PRKCE: variants seen among roughly 807,000 people sequenced by gnomAD.
The protein encoded by PRKCE is protein kinase C epsilon.
A neutral mutation model predicts 85.4 loss-of-function variants in PRKCE; 16 were observed. The ratio of observed to expected loss-of-function variants is 0.19; its 90% CI spans 0.13 to 0.28. The LOEUF (loss-of-function observed/expected upper bound fraction) is 0.28. Ranked by LOEUF, PRKCE falls within the 10% of genes least tolerant of loss-of-function variation. PRKCE has a pLI of 1.00. For missense variants in PRKCE, 573 were observed against 975.2 expected (o/e 0.59, Z 5.49); for synonymous variants, 388 against 371.5 (o/e 1.04, Z -0.51).
intron 10 of PRKCE, among the ~76,000 whole-genome samples, chr2:46,055,381 G>A (rs773312162): frequency 2.0e-5 from 3 of 152,214 alleles, no homozygotes; most frequent in African/African-American, 4.8e-5. Context: ...TGCCAGCACC[G>A]AAGCGGCTGG....
At chr2:46,149,784 CGTGT>C (rs1395359057) in intron 12 of PRKCE, among the ~76,000 whole-genome samples, 1 of 148,492 alleles carries the variant, frequency 6.7e-6, no homozygotes, top group South Asian at 2.1e-4. Context: ...TTTATATGTG[CGTGT>C]GTGTGTATCA....
At chr2:46,081,648 C>G (rs189868373) in intron 10 of PRKCE, among the ~76,000 whole-genome samples, 1 of 152,116 alleles carries the variant, frequency 6.6e-6, no homozygotes, top group South Asian at 2.1e-4. Context: ...GAGAAGAAAA[C>G]GTTCCAGGCA....
chr2:46,164,146 G>A (rs1455145276), intron 14 of PRKCE, among the ~76,000 whole-genome samples: 1 of 152,200 alleles, frequency 6.6e-6, no homozygotes, highest in East Asian at 1.9e-4. Flanking sequence ...AGGGAAAACT[G>A]GTTTAGATCC....
intron 1 of PRKCE, among the ~76,000 whole-genome samples, chr2:45,689,430 T>C (rs1243428790): frequency 6.6e-6 from 1 of 152,128 alleles, no homozygotes; most frequent in Non-Finnish European, 1.5e-5. Flanking sequence ...TTGTTTCCTA[T>C]TGGCGAAAAG....
At chr2:46,016,681 G>A (rs1385885742) in intron 10 of PRKCE, among the ~76,000 whole-genome samples, 1 of 152,202 alleles carries the variant, frequency 6.6e-6, no homozygotes, top group Non-Finnish European at 1.5e-5. Flanking sequence ...GGCCGAGGCA[G>A]GTGGATCACC....
rs147782387 is a variant in PRKCE at position 46,087,179 on chromosome 2, T to G, written c.1592+817T>G. Among the ~76,000 whole-genome samples the G allele has an allele frequency of 7.7e-3, 1,159 of 150,846 alleles. 17 individuals are homozygous for G. Among genetic ancestry groups the G allele is most frequent in the African/African-American group, 0.025 (1,044 of 41,054 alleles). ...TATTCTTTTTTTTTTTTTAATTGGG[T>G]AGAGGAGTAGCTGGCTTCGTTTCAC... On this transcript the variant is annotated intron_variant, in intron 11 of 14. Transcript: ENST00000306156.
chr2:45,998,520 T>C (rs1181479222), intron 6 of PRKCE, among the ~76,000 whole-genome samples: 1 of 152,236 alleles, frequency 6.6e-6, no homozygotes, highest in Non-Finnish European at 1.5e-5. Flanking sequence ...ACTCTATGTC[T>C]TTACTTTTAA....
chr2:45,999,051 A>G (rs76880691), intron 6 of PRKCE, among the ~76,000 whole-genome samples: 4,349 of 152,340 alleles, frequency 0.029, 83 homozygotes, highest in African/African-American at 0.053. Flanking sequence ...ATGAAATACT[A>G]TAATTACACA....
At chr2:45,976,191 G>A (rs1016990510) in intron 2 of PRKCE, among the ~76,000 whole-genome samples, 1 of 152,146 alleles carries the variant, frequency 6.6e-6, no homozygotes, top group Non-Finnish European at 1.5e-5. Context: ...GGATTGGATG[G>A]AATCTGAGGA....
intron 1 of PRKCE, among the ~76,000 whole-genome samples, chr2:45,798,420 A>G (rs1429974175): frequency 1.3e-5 from 2 of 152,118 alleles, no homozygotes; most frequent in African/African-American, 2.4e-5. Context: ...CCTCACATAC[A>G]TGCCTGCCCC....
At chr2:45,979,637 C>T (rs1702724938) in intron 4 of PRKCE, among the ~76,000 whole-genome samples, 1 of 152,156 alleles carries the variant, frequency 6.6e-6, no homozygotes, top group South Asian at 2.1e-4. Flanking sequence ...GGAGGTTTTC[C>T]TGTCTCCTCG....
At chr2:46,149,695 A>T (rs1419261753) in intron 12 of PRKCE, among the ~76,000 whole-genome samples, 1 of 138,206 alleles carries the variant, frequency 7.2e-6, no homozygotes, top group Non-Finnish European at 1.5e-5. Flanking sequence ...TGTCATCTCC[A>T]TATATATATA....
At chr2:45,827,287 G>A (rs1690025747) in intron 1 of PRKCE, among the ~76,000 whole-genome samples, 1 of 152,222 alleles carries the variant, frequency 6.6e-6, no homozygotes, top group South Asian at 2.1e-4. Flanking sequence ...ATTCTTACGT[G>A]TGTTTGACCA....
chr2:45,834,792 C>T (rs1690720292), intron 1 of PRKCE, among the ~76,000 whole-genome samples: 1 of 152,090 alleles, frequency 6.6e-6, no homozygotes, highest in South Asian at 2.1e-4. Flanking sequence ...ATATGATGTA[C>T]CATAATTTAT....
chr2:46,070,349 A>T (rs1334551190), intron 10 of PRKCE, among the ~76,000 whole-genome samples: 1 of 152,264 alleles, frequency 6.6e-6, no homozygotes, highest in South Asian at 2.1e-4. Context: ...TGTATAAAAA[A>T]ATGGCATTTT....
chr2:46,167,785 C>A (rs1678488034), intron 14 of PRKCE: 1 of 147,398 alleles, frequency 6.8e-6, no homozygotes, highest in African/African-American at 2.5e-5. Flanking sequence ...TGTGACCATG[C>A]TTACCACGTT....
intron 13 of PRKCE, among the ~76,000 whole-genome samples, chr2:46,153,434 G>A (rs1574613815): frequency 1.3e-5 from 2 of 152,168 alleles, no homozygotes; most frequent in African/African-American, 4.8e-5. Flanking sequence ...ACTGTATATT[G>A]TACTAAATGG....
chr2:45,665,107 T>C (rs955582191), intron 1 of PRKCE, among the ~76,000 whole-genome samples: 4 of 152,256 alleles, frequency 2.6e-5, no homozygotes, highest in East Asian at 3.8e-4. Flanking sequence ...TGAGGAAATA[T>C]GCATTTACTT....
chr2:45,674,081 T>C lies in PRKCE; in HGVS notation c.348+21633T>C, dbSNP rs138448716. On this transcript the variant is annotated intron_variant, in intron 1 of 14. Transcript: ENST00000306156. Reference sequence around the variant, plus strand: ...TCAATATTTCATTTCCTTGTGTTTATTGGAAAATATTTTTTAAAAGCTACT... The same window carrying C: ...TCAATATTTCATTTCCTTGTGTTTACTGGAAAATATTTTTTAAAAGCTACT... 2.6e-5 allele frequency among the ~76,000 whole-genome samples: 4 copies of C among 152,328 alleles called. No individual in the cohort carries two copies. The East Asian group carries it at 7.7e-4, about 29-fold the overall frequency.
Sources: gnomAD v4.1 joint callset for allele counts (sites outside exome capture counted in the v4.1 genomes callset) on GRCh38, gnomAD v4.1.1 for gene constraint, MANE v1.5 for transcripts, NCBI Gene and HGNC (gene_info 2026-07-23, HGNC 2026-07-21) for gene names.